PLCB1: variants seen among roughly 807,000 people sequenced by gnomAD.
The protein encoded by PLCB1 is phospholipase C beta 1, also known as 1-phosphatidylinositol 4,5-bisphosphate phosphodiesterase beta-1.
A neutral mutation model predicts 161.8 loss-of-function variants in PLCB1; 46 were observed. That is an observed-to-expected ratio of 0.28 (90% CI 0.22 to 0.36). The LOEUF is 0.36. PLCB1 is among the 10% of genes least tolerant of loss of function. The pLI is 1.00. For synonymous variants in PLCB1, 517 were observed against 503.7 expected (o/e 1.03, Z -0.35); for missense variants, 1,016 against 1,472.5 (o/e 0.69, Z 5.07).
At chr20:8,724,506 T>G in intron 15 of PLCB1, 150 bp from the exon 16 acceptor site, 2 of 625,794 alleles carry the variant, frequency 3.2e-6, no homozygotes, top group Non-Finnish European at 5.6e-6. Context: ...TGCTGTTGCC[T>G]TTCTCCTGTA....
At chr20:8,574,385 C>T (rs780643941) in intron 3 of PLCB1, among the ~76,000 whole-genome samples, 6 of 152,006 alleles carry the variant, frequency 3.9e-5, no homozygotes, top group Non-Finnish European at 5.9e-5. Flanking sequence ...GGTGACAGAG[C>T]GAGACTCCTT....
At chr20:8,732,350 G>T (rs1471980734) in intron 18 of PLCB1, among the ~76,000 whole-genome samples, 1 of 151,804 alleles carries the variant, frequency 6.6e-6, no homozygotes, top group Admixed American at 6.6e-5. Flanking sequence ...AGGCATCAAA[G>T]AAAAATTTTC....
intron 10 of PLCB1, among the ~76,000 whole-genome samples, 173 bp from the exon 11 acceptor site, chr20:8,697,453 A>T (rs1990607945): frequency 1.3e-5 from 2 of 152,208 alleles, no homozygotes; most frequent in African/African-American, 4.8e-5. Flanking sequence ...TACAGATTCT[A>T]TTTGAAATTG....
chr20:8,859,052 C>T (rs887716092), intron 31 of PLCB1, among the ~76,000 whole-genome samples: 3 of 152,102 alleles, frequency 2.0e-5, no homozygotes, highest in African/African-American at 7.2e-5. Flanking sequence ...CAACACACTT[C>T]CAACTCAGAA....
At chr20:8,284,658 G>A (rs1030203163) in intron 2 of PLCB1, among the ~76,000 whole-genome samples, 2 of 152,058 alleles carry the variant, frequency 1.3e-5, no homozygotes, top group African/African-American at 4.8e-5. Context: ...TCTTGAAATT[G>A]CCCCCCAAAA....
intron 2 of PLCB1, among the ~76,000 whole-genome samples, chr20:8,325,309 C>G (rs189971207): frequency 1.3e-5 from 2 of 152,322 alleles, no homozygotes; most frequent in Admixed American, 1.3e-4. Context: ...TTATTCTGGA[C>G]TCTTCTCTGA....
intron 2 of PLCB1, among the ~76,000 whole-genome samples, chr20:8,300,406 A>G (rs1338862947): frequency 6.6e-6 from 1 of 152,108 alleles, no homozygotes; most frequent in Non-Finnish European, 1.5e-5. Context: ...ATGAATTAGG[A>G]TGATTAAAGC....
intron 31 of PLCB1, among the ~76,000 whole-genome samples, chr20:8,860,964 A>G (rs551613455): frequency 9.9e-5 from 15 of 152,186 alleles, no homozygotes; most frequent in African/African-American, 1.4e-4. Context: ...ACAGACAAAT[A>G]TTGCAATTTT....
rs561419761 is a variant in PLCB1 at position 8,495,063 on chromosome 20, A to C, written c.246+123613A>C. On this transcript the variant is annotated intron_variant, in intron 3 of 31. Transcript: ENST00000338037. ...GTAGTTTTAAATCTTTTATGAAAAAAAAAAACCTTATGGAGAAAGGGAGAA... is the reference window on the plus strand; with the variant it reads ...GTAGTTTTAAATCTTTTATGAAAAACAAAAACCTTATGGAGAAAGGGAGAA... 2.0e-5 allele frequency among the ~76,000 whole-genome samples: 3 copies of C among 152,158 alleles called. No individual in the cohort carries two copies. In the East Asian group the frequency reaches 5.8e-4, roughly 29 times the overall value.
chr20:8,529,276 G>A (rs900679205), intron 3 of PLCB1, among the ~76,000 whole-genome samples: 2 of 151,686 alleles, frequency 1.3e-5, no homozygotes, highest in African/African-American at 2.4e-5. Flanking sequence ...TGTTCTTTAC[G>A]GCAGTATTAA....
chr20:8,732,201 A>C (rs1600283234), intron 18 of PLCB1: 1 of 152,252 alleles, frequency 6.6e-6, no homozygotes, highest in Admixed American at 6.5e-5. Flanking sequence ...AAATTATAAA[A>C]AAGAAATTTT....
intron 3 of PLCB1, among the ~76,000 whole-genome samples, chr20:8,590,660 C>T (rs1987121128): frequency 6.6e-6 from 1 of 152,184 alleles, no homozygotes. Context: ...CCTTTTCCAG[C>T]TTCATAGACC....
rs1254802313 is a variant in PLCB1, at chr20:8,685,351, G to A, written c.1009+273G>A. Among the ~76,000 whole-genome samples the A allele has an allele frequency of 3.9e-5, 6 of 152,134 alleles. No homozygotes were observed. The East Asian group carries it at 9.7e-4, about 25-fold the overall frequency. Reference sequence around the variant, plus strand: ...ACATTTTCAGATCAATGGGATTTTTGTGTAACTGAACTCATTCTTCAGTGT... The same window carrying A: ...ACATTTTCAGATCAATGGGATTTTTATGTAACTGAACTCATTCTTCAGTGT... On this transcript the variant is annotated intron_variant, in intron 10 of 31. Coordinates refer to ENST00000338037, the MANE Select transcript of PLCB1 (RefSeq NM_015192.4).
At chr20:8,374,104 A>G (rs1275584163) in intron 3 of PLCB1, among the ~76,000 whole-genome samples, 1 of 152,000 alleles carries the variant, frequency 6.6e-6, no homozygotes, top group Non-Finnish European at 1.5e-5. Context: ...TCCCCACCCA[A>G]AATCTCATCT....
At chr20:8,483,943 A>G (rs1982613331) in intron 3 of PLCB1, among the ~76,000 whole-genome samples, 1 of 152,210 alleles carries the variant, frequency 6.6e-6, no homozygotes, top group African/African-American at 2.4e-5. Flanking sequence ...ATGCACACAC[A>G]TAGCAGCTAA....
At chr20:8,154,750 A>G (rs955687861) in intron 2 of PLCB1, among the ~76,000 whole-genome samples, 4 of 152,204 alleles carry the variant, frequency 2.6e-5, no homozygotes, top group African/African-American at 9.6e-5. Context: ...TGGATTGCCT[A>G]TTTATATCTC....
chr20:8,798,571 CAT>C (rs1011759975), intron 31 of PLCB1, among the ~76,000 whole-genome samples: 19 of 29,408 alleles, frequency 6.5e-4, no homozygotes, highest in African/African-American at 1.1e-3. Flanking sequence ...AACATACACA[CAT>C]ACACACACAC....
At chr20:8,529,975 C>CA (rs1984738799) in intron 3 of PLCB1, among the ~76,000 whole-genome samples, 1 of 152,108 alleles carries the variant, frequency 6.6e-6, no homozygotes, top group African/African-American at 2.4e-5. Context: ...TTTATCTTCC[C>CA]ATCAGGAGTG....
intron 3 of PLCB1, among the ~76,000 whole-genome samples, chr20:8,496,129 G>A (rs1246847800): frequency 2.0e-5 from 3 of 152,134 alleles, no homozygotes; most frequent in African/African-American, 7.2e-5. Flanking sequence ...AAAACTAAAT[G>A]AGAGGCTTAA....
Sources: allele counts gnomAD v4.1 joint callset (sites outside exome capture counted in the v4.1 genomes callset), GRCh38; gene constraint gnomAD v4.1.1; transcripts MANE v1.5; gene names NCBI Gene and HGNC (gene_info 2026-07-23, HGNC 2026-07-21).